Variants in ZDHHC4 observed in about 807,000 individuals in gnomAD.
The protein encoded by ZDHHC4 is palmitoyltransferase ZDHHC4.
In ZDHHC4, 42 loss-of-function variants were observed where a neutral mutation model predicts 36.7. That is an observed-to-expected ratio of 1.14 (90% CI 0.89 to 1.48). The LOEUF is 1.48. Among genes scored for constraint, ZDHHC4 ranks in the 40% most tolerant of loss-of-function variants. The pLI is 0.00. For synonymous variants in ZDHHC4, 189 were observed against 166.6 expected (o/e 1.13, Z -1.03); for missense variants, 457 against 421.5 (o/e 1.08, Z -0.74).
chr7:6,584,890 A>G (rs1029003221), intron 6 of ZDHHC4, 126 bp from the exon 7 acceptor site: 2 of 1,392,240 alleles, frequency 1.4e-6, no homozygotes, highest in African/African-American at 2.9e-5. Context: ...TTAGTTTGGA[A>G]CTAAGCAGCT....
chr7:6,588,926 C>T lies in ZDHHC4; in HGVS notation c.*16C>T. The T allele has an allele frequency of 6.3e-7, 1 of 1,593,256 alleles. No individual in the cohort carries two copies. Reference sequence around the variant, plus strand: ...ACAAGAATGACAAGTGTATGACTGCCTTTGAGCTGTAGTTCCCGTTTATTT... The same window carrying T: ...ACAAGAATGACAAGTGTATGACTGCTTTTGAGCTGTAGTTCCCGTTTATTT... On this transcript the variant is annotated 3_prime_UTR_variant, in exon 8 of 8. Coordinates refer to ENST00000335965, the MANE Select transcript of ZDHHC4 (RefSeq NM_001134389.2).
chr7:6,580,924 C>G, intron 3 of ZDHHC4: 1 of 490,314 alleles, frequency 2.0e-6, no homozygotes, highest in Non-Finnish European at 3.7e-6. Flanking sequence ...TCAACAACAA[C>G]AAAAAAGATG....
chr7:6,587,748 A>G (rs576263221), intron 7 of ZDHHC4, among the ~76,000 whole-genome samples: 1 of 152,340 alleles, frequency 6.6e-6, no homozygotes, highest in Non-Finnish European at 1.5e-5. Flanking sequence ...GGCCAGGCAC[A>G]GTGGCTCACG....
intron 1 of ZDHHC4, among the ~76,000 whole-genome samples, chr7:6,578,016 A>G (rs958182299): frequency 5.3e-5 from 8 of 152,170 alleles, no homozygotes; most frequent in African/African-American, 1.7e-4. Flanking sequence ...TATTTAGTAG[A>G]GACGGATTTC....
intron 7 of ZDHHC4, among the ~76,000 whole-genome samples, chr7:6,586,158 T>C (rs1053354623): frequency 2.7e-5 from 4 of 149,764 alleles, no homozygotes; most frequent in African/African-American, 9.8e-5. Context: ...AGAAACTCCA[T>C]CTCAAAAAAA....
rs184514258 is a variant in ZDHHC4 at position 6,587,368 on chromosome 7, C to A, written c.742-1249C>A. 2.0e-5 allele frequency among the ~76,000 whole-genome samples: 3 copies of A among 152,140 alleles called. No individual in the cohort carries two copies. The East Asian group carries it at 5.8e-4, about 29-fold the overall frequency. ...TCAGACATTCTTTCTCATCAAATTTCTTTTCTTTGTAACTTCAACAAGAAA... is the reference window on the plus strand; with the variant it reads ...TCAGACATTCTTTCTCATCAAATTTATTTTCTTTGTAACTTCAACAAGAAA... On this transcript the variant is annotated intron_variant, in intron 7 of 7. Transcript: ENST00000335965.
Position 6,580,619 on chromosome 7 carries a change from C to T in ZDHHC4, c.58C>T (p.Leu20Phe), listed in dbSNP as rs141050777. The change falls in exon 3 of 8, where the codon CTT becomes TTT. Residue 20 changes from leucine (L) to phenylalanine (F), a missense_variant. Physicochemically the swap from Leu to Phe is conservative, Grantham distance 22. Transcript: ENST00000335965. ...GGCTTCGGTGCTGATGGGTCTTGTT[C>T]TTATCTGCGTCTGCTCGAAAACCCA... ...YLASVLMGLV[L>F]ICVCSKTHSL... 1 of 1,614,006 alleles carries T rather than the reference C, an allele frequency of 6.2e-7. No individual in the cohort carries two copies. Among genetic ancestry groups the T allele is most frequent in the African/African-American group, 1.3e-5 (1 of 74,910 alleles).
Position 6,588,721 on chromosome 7 carries a change from C to T in ZDHHC4, c.846C>T (p.Ala282=), listed in dbSNP as rs759116000. ...TGTTGTTTGTCCTGTATCTGGCGGCCACCAACCAGACTACTAACGAGTGGT... is the reference window on the plus strand; with the variant it reads ...TGTTGTTTGTCCTGTATCTGGCGGCTACCAACCAGACTACTAACGAGTGGT... ...GYLLFVLYLA[A]TNQTTNEWYR... is the part of the protein sequence containing the mutation. Residue 282 remains alanine, a synonymous_variant, in exon 8 of 8, where the codon GCC becomes GCT. Transcript: ENST00000335965. 1 of 1,614,222 alleles carries T rather than the reference C, an allele frequency of 6.2e-7. No individual in the cohort carries two copies.
At position 6,584,961 on chromosome 7, in the gene ZDHHC4, G is replaced by A. The variant is rs560694868; in HGVS notation, c.497-55G>A. The A allele has an allele frequency of 5.0e-6, 8 of 1,602,858 alleles. No individual in the cohort carries two copies. The South Asian group carries it at 8.9e-5, about 18-fold the overall frequency. ...TTATGAAAATCTCAGCAGGTGTGCG[G>A]TGTCCTTGTCTCGTCAAGCACCATC... is the stretch of plus-strand genomic sequence containing the variant. On this transcript the variant is annotated intron_variant, in intron 6 of 7. Coordinates refer to ENST00000335965, the MANE Select transcript of ZDHHC4 (RefSeq NM_001134389.2).
chr7:6,585,296 G>A lies in ZDHHC4; in HGVS notation c.741+36G>A, dbSNP rs1360764933. The A allele has an allele frequency of 3.1e-6, 5 of 1,592,484 alleles. No individual in the cohort carries two copies. The Admixed American group carries it at 5.3e-5, about 17-fold the overall frequency. The stretch of plus-strand genomic sequence containing the variant: ...TGTAGGTTTCTGACTTCAAGTTTCA[G>A]AATCGCAAAAAAGACATTTATTTTT... On this transcript the variant is annotated intron_variant, in intron 7 of 7. Transcript: ENST00000335965.
chr7:6,588,504 G>A, intron 7 of ZDHHC4, 113 bp from the exon 8 acceptor site: 1 of 1,104,312 alleles, frequency 9.1e-7, no homozygotes, highest in East Asian at 2.4e-5. Context: ...ACACAAGTAG[G>A]TGGGCTGAGG....
chr7:6,578,950 G>A (rs950855061), intron 2 of ZDHHC4, among the ~76,000 whole-genome samples: 14 of 152,006 alleles, frequency 9.2e-5, no homozygotes, highest in African/African-American at 3.1e-4. Flanking sequence ...CAATCCTCCC[G>A]CCTCAGCCTC....
Position 6,583,284 on chromosome 7 carries a change from CAT to C in ZDHHC4, c.371-19_371-18del, listed in dbSNP as rs752043534. The C allele has an allele frequency of 5.5e-5, 88 of 1,612,840 alleles. No individual in the cohort carries two copies. In the African/African-American group the frequency reaches 7.3e-4, roughly 13 times the overall value. On this transcript the variant is annotated intron_variant, in intron 5 of 7. Transcript: ENST00000335965. ...AGTCCAAAGTATTGCACGAAACTGA[CAT>C]ATGTCCTTACTTTTCCCAGGCATTA...
In ZDHHC4 at chr7:6,589,137, C is replaced by A; in HGVS notation, c.*227C>A. On this transcript the variant is annotated 3_prime_UTR_variant, in exon 8 of 8. Coordinates refer to ENST00000335965, the MANE Select transcript of ZDHHC4 (RefSeq NM_001134389.2). ...TGGTGTCAAGGGGATCAAGAGATGACTTCTCAGAGGTTCTAGGTGATGCTG... is the reference window on the plus strand; with the variant it reads ...TGGTGTCAAGGGGATCAAGAGATGAATTCTCAGAGGTTCTAGGTGATGCTG... 1 of 547,156 alleles carries A rather than the reference C, an allele frequency of 1.8e-6. No homozygotes were observed. The highest frequency in any genetic ancestry group is 3.2e-6 in the Non-Finnish European group (1 of 307,720). 33.9% of individuals were successfully genotyped at this position (547,156 alleles called of 1,614,324 possible). A position where few individuals can be genotyped will look rare whatever the true frequency, so the allele number is the denominator to read the frequency against.
chr7:6,587,052 T>TC, intron 7 of ZDHHC4, among the ~76,000 whole-genome samples: 1 of 151,882 alleles, frequency 6.6e-6, no homozygotes, highest in Non-Finnish European at 1.5e-5. Context: ...TGGTAACTTT[T>TC]TTTTTTTTTT....
chr7:6,583,286 T>C lies in ZDHHC4; in HGVS notation c.371-20T>C, dbSNP rs774029420. 11 of 1,613,044 alleles carry C rather than the reference T, an allele frequency of 6.8e-6. No individual in the cohort carries two copies. In the Admixed American group the frequency reaches 1.3e-4, roughly 20 times the overall value. ...TCCAAAGTATTGCACGAAACTGACA[T>C]ATGTCCTTACTTTTCCCAGGCATTA... is the stretch of plus-strand genomic sequence containing the variant. On this transcript the variant is annotated intron_variant, in intron 5 of 7. Transcript: ENST00000335965.
chr7:6,580,445 T>C, intron 2 of ZDHHC4, 110 bp from the exon 3 acceptor site: 1 of 871,458 alleles, frequency 1.1e-6, no homozygotes, highest in South Asian at 1.5e-5. Context: ...GTCATTAAAG[T>C]CTAGATGAAT....
rs1780907688 is a variant in ZDHHC4, at chr7:6,582,270, C to T, written c.370+19C>T. ...AATCCTGGTAAGTTGAGGCTCTTAG[C>T]ATACAGCATGGTGACAGCTCCACTG... is the stretch of plus-strand genomic sequence containing the variant. On this transcript the variant is annotated intron_variant, in intron 5 of 7. Coordinates refer to ENST00000335965, the MANE Select transcript of ZDHHC4 (RefSeq NM_001134389.2). 3 of 1,610,398 alleles carry T rather than the reference C, an allele frequency of 1.9e-6. No homozygotes were observed. Among genetic ancestry groups the T allele is most frequent in the South Asian group, 1.1e-5 (1 of 90,702 alleles).
intron 3 of ZDHHC4, 93 bp from the exon 4 acceptor site, chr7:6,581,514 C>T (rs1780852786): frequency 5.4e-6 from 5 of 928,728 alleles, no homozygotes; most frequent in Non-Finnish European, 8.7e-6. Context: ...TTACTATCAC[C>T]CAGATTGCCA....
Sources: gnomAD v4.1 joint callset for allele counts (sites outside exome capture counted in the v4.1 genomes callset) on GRCh38, gnomAD v4.1.1 for gene constraint, MANE v1.5 for transcripts, NCBI Gene and HGNC (gene_info 2026-07-23, HGNC 2026-07-21) for gene names.